Variants in RTN1 observed in about 807,000 individuals in gnomAD.
RTN1 encodes reticulon-1.
RTN1 carries 25 observed loss-of-function variants against 65.5 expected under a neutral mutation model. That is an observed-to-expected ratio of 0.38 (90% CI 0.28 to 0.53). RTN1 has a LOEUF of 0.53. Among genes scored for constraint, RTN1 ranks in the 20% least tolerant of loss-of-function variants. The probability of loss-of-function intolerance (pLI) is 0.79; values close to 1 mark genes in which losing one functional copy is unlikely to be tolerated. For missense variants in RTN1, 983 were observed against 1,025.4 expected, an observed-to-expected ratio of 0.96 and a Z score of 0.57; for synonymous variants, 471 against 447.6, an observed-to-expected ratio of 1.05 and a Z score of -0.66.
intron 1 of RTN1, among the ~76,000 whole-genome samples, chr14:59,852,157 T>C (rs1210987634): frequency 1.3e-5 from 2 of 152,224 alleles, no homozygotes; most frequent in African/African-American, 4.8e-5. Flanking sequence ...TAGTAAGTAG[T>C]GGCCACTCCA....
At chr14:59,809,564 G>A (rs536236421) in intron 1 of RTN1, among the ~76,000 whole-genome samples, 1 of 152,140 alleles carries the variant, frequency 6.6e-6, no homozygotes, top group Non-Finnish European at 1.5e-5. Context: ...TAATGGCTCA[G>A]TGAAATATAA....
At chr14:59,835,361 A>G (rs188450741) in intron 1 of RTN1, among the ~76,000 whole-genome samples, 7 of 152,260 alleles carry the variant, frequency 4.6e-5, no homozygotes, top group African/African-American at 1.7e-4. Context: ...CTTGTGGGTG[A>G]TGGGTGTGTT....
At chr14:59,700,397 A>C (rs1221812599) in intron 3 of RTN1, among the ~76,000 whole-genome samples, 1 of 152,154 alleles carries the variant, frequency 6.6e-6, no homozygotes, top group African/African-American at 2.4e-5. Context: ...TATGGAAATA[A>C]AAGTGACCCA....
chr14:59,615,168 G>A (rs989384625), intron 3 of RTN1, among the ~76,000 whole-genome samples: 4 of 152,140 alleles, frequency 2.6e-5, no homozygotes, highest in Non-Finnish European at 4.4e-5. Flanking sequence ...CATTAAAAGC[G>A]GCTGGGCATG....
At chr14:59,719,611 G>A (rs971905186) in intron 3 of RTN1, among the ~76,000 whole-genome samples, 2 of 152,234 alleles carry the variant, frequency 1.3e-5, no homozygotes, top group Non-Finnish European at 1.5e-5. Flanking sequence ...GGTGGGACTG[G>A]CATAACCTTG....
At chr14:59,702,373 T>C (rs1363948223) in intron 3 of RTN1, among the ~76,000 whole-genome samples, 2 of 152,204 alleles carry the variant, frequency 1.3e-5, no homozygotes, top group African/African-American at 4.8e-5. Flanking sequence ...CATCTTATGA[T>C]TGCTTATTTG....
At chr14:59,731,913 T>C (rs549152614) in intron 2 of RTN1, among the ~76,000 whole-genome samples, 1 of 152,302 alleles carries the variant, frequency 6.6e-6, no homozygotes, top group South Asian at 2.1e-4. Flanking sequence ...CCACCATCAC[T>C]AGGTCCCAAT....
intron 3 of RTN1, among the ~76,000 whole-genome samples, chr14:59,700,363 C>T (rs778525010): frequency 6.6e-6 from 1 of 152,088 alleles, no homozygotes; most frequent in Admixed American, 6.6e-5. Flanking sequence ...CTTTCAGAAA[C>T]TGACAAGCTA....
At chr14:59,862,598 A>G (rs1241184620) in intron 1 of RTN1, among the ~76,000 whole-genome samples, 1 of 152,220 alleles carries the variant, frequency 6.6e-6, no homozygotes, top group Admixed American at 6.5e-5. Flanking sequence ...CCTCCTCAGC[A>G]GATTCCAAGA....
At chr14:59,673,575 T>C (rs55870932) in intron 3 of RTN1, among the ~76,000 whole-genome samples, 58,369 of 152,024 alleles carry the variant, frequency 0.38, 12,911 homozygotes, top group Non-Finnish European at 0.48. Flanking sequence ...GTAGCCCCCA[T>C]AGGACTGAGT....
At chr14:59,750,085 A>AT (rs1566713053) in intron 1 of RTN1, among the ~76,000 whole-genome samples, 1 of 77,834 alleles carries the variant, frequency 1.3e-5, no homozygotes, top group East Asian at 3.1e-4. Context: ...TATATTATAG[A>AT]CATATATATT....
intron 3 of RTN1, among the ~76,000 whole-genome samples, chr14:59,720,737 AAT>A (rs1491059919): frequency 8.2e-5 from 12 of 145,866 alleles, no homozygotes; most frequent in Non-Finnish European, 1.5e-4. Flanking sequence ...AAAAAAAAAA[AAT>A]ACTCTAAGGT....
At chr14:59,798,654 T>A (rs1886483349) in intron 1 of RTN1, among the ~76,000 whole-genome samples, 1 of 152,174 alleles carries the variant, frequency 6.6e-6, no homozygotes. Context: ...CTGCCTCATC[T>A]AAGGACTCTT....
intron 1 of RTN1, among the ~76,000 whole-genome samples, chr14:59,768,324 C>A (rs764060542): frequency 6.6e-6 from 1 of 152,186 alleles, no homozygotes; most frequent in Non-Finnish European, 1.5e-5. Context: ...TGGTTATAGA[C>A]TTTTCTTTGG....
intron 1 of RTN1, among the ~76,000 whole-genome samples, chr14:59,801,538 A>G (rs1233760942): frequency 6.6e-6 from 1 of 152,224 alleles, no homozygotes; most frequent in Non-Finnish European, 1.5e-5. Flanking sequence ...GGCATAATAA[A>G]GCCATCATTT....
At chr14:59,597,783 G>A (rs1317531479) in intron 8 of RTN1, among the ~76,000 whole-genome samples, 1 of 152,202 alleles carries the variant, frequency 6.6e-6, no homozygotes, top group Non-Finnish European at 1.5e-5. Flanking sequence ...GACAGGAAGG[G>A]ACCATCAGGC....
intron 3 of RTN1, among the ~76,000 whole-genome samples, chr14:59,668,988 C>T (rs928490913): frequency 6.6e-6 from 1 of 151,950 alleles, no homozygotes; most frequent in South Asian, 2.1e-4. Context: ...GTAACAGGCA[C>T]CCTTTTACAC....
chr14:59,748,909 C>T (rs1375297079), intron 1 of RTN1, among the ~76,000 whole-genome samples: 2 of 151,716 alleles, frequency 1.3e-5, no homozygotes, highest in African/African-American at 2.4e-5. Flanking sequence ...CTTGCCTCAG[C>T]CTCCCGAATA....
chr14:59,702,781 G>A (rs929986678), intron 3 of RTN1, among the ~76,000 whole-genome samples: 3 of 152,174 alleles, frequency 2.0e-5, no homozygotes, highest in Admixed American at 1.3e-4. Flanking sequence ...TCACATCAGA[G>A]CAGCTCACTC....
Sources: allele counts gnomAD v4.1 joint callset (sites outside exome capture counted in the v4.1 genomes callset), GRCh38; gene constraint gnomAD v4.1.1; transcripts MANE v1.5; gene names NCBI Gene and HGNC (gene_info 2026-07-23, HGNC 2026-07-21).